GPHN: variants seen among roughly 807,000 people sequenced by gnomAD.
The protein encoded by GPHN is gephyrin.
Under a neutral mutation model 95.5 loss-of-function variants are expected in GPHN, and 17 were observed. That is an observed-to-expected ratio of 0.18 (90% CI 0.12 to 0.27). GPHN has a LOEUF of 0.27. GPHN is among the 10% of genes least tolerant of loss of function. The probability of loss-of-function intolerance (pLI) is 1.00; values close to 1 mark genes in which losing one functional copy is unlikely to be tolerated. For missense variants in GPHN, 660 were observed against 978.1 expected (o/e 0.67, Z 4.34); for synonymous variants, 320 against 322.5 (o/e 0.99, Z 0.08).
rs531224326 is a variant in GPHN, at chr14:66,781,679, C to T, written c.201+5158C>T. Among the ~76,000 whole-genome samples, 3 of 151,994 alleles carry T rather than the reference C, an allele frequency of 2.0e-5. No homozygotes were observed. The South Asian group carries it at 6.2e-4, about 32-fold the overall frequency. ...TTTTGTGTCTTGCTTTTTTATCAAC[C>T]GTTTTTGTAGGATTCATTCATGTTA... On this transcript the variant is annotated intron_variant, in intron 3 of 22. Transcript: ENST00000478722.
the GPHN span, among the ~76,000 whole-genome samples, chr14:67,424,224 G>A: frequency 2.6e-5 from 4 of 151,146 alleles, no homozygotes; most frequent in Admixed American, 6.6e-5. Context: ...TGGGCAACAA[G>A]AGCAAAAAAC....
At chr14:67,052,257 G>T (rs2075340246) in intron 10 of GPHN, among the ~76,000 whole-genome samples, 1 of 151,766 alleles carries the variant, frequency 6.6e-6, no homozygotes, top group Admixed American at 6.6e-5. Context: ...TAAAGAGATG[G>T]AGGAAATTTT....
At chr14:67,460,662 C>T in the GPHN span, among the ~76,000 whole-genome samples, 1 of 152,274 alleles carries the variant, frequency 6.6e-6, no homozygotes, top group East Asian at 1.9e-4. Context: ...CAAGATTGCA[C>T]CACTGCTTTC....
the GPHN span, chr14:67,619,713 A>C: frequency 2.6e-6 from 1 of 383,626 alleles, no homozygotes; most frequent in Non-Finnish European, 4.7e-6. Context: ...CGGCAGGGGC[A>C]TGTCCCTGGC....
chr14:66,760,815 A>C (rs1214370588), intron 2 of GPHN: 29 of 530,862 alleles, frequency 5.5e-5, no homozygotes, highest in Admixed American at 5.1e-4. Flanking sequence ...CAATGAAGAG[A>C]GTTGAAGAGA....
intron 1 of GPHN, among the ~76,000 whole-genome samples, chr14:66,555,548 A>C (rs2059977075): frequency 6.6e-6 from 1 of 152,182 alleles, no homozygotes; most frequent in African/African-American, 2.4e-5. Context: ...AAGAATATGT[A>C]GAAAGATGGA....
At chr14:66,698,893 C>A (rs150126051) in intron 2 of GPHN, among the ~76,000 whole-genome samples, 1 of 152,136 alleles carries the variant, frequency 6.6e-6, no homozygotes, top group African/African-American at 2.4e-5. Flanking sequence ...TGAAAAAAAT[C>A]TGCAGATAAG....
At chr14:67,473,942 C>T in the GPHN span, 1 of 1,583,998 alleles carries the variant, frequency 6.3e-7, no homozygotes, top group Non-Finnish European at 8.6e-7. The surrounding 1 kb of genome is among the most constrained non-coding windows in gnomAD (Gnocchi z 6.5). Context: ...CTGGGGCTGG[C>T]TGCGGGGGGC....
At chr14:67,199,500 TTA>T in the GPHN span, 10 of 1,613,186 alleles carry the variant, frequency 6.2e-6, no homozygotes, top group Non-Finnish European at 7.6e-6. Context: ...TATGCCTTTA[TTA>T]ATTTTGCTTC....
chr14:67,025,177 T>C (rs1221004581), intron 10 of GPHN, among the ~76,000 whole-genome samples: 1 of 152,194 alleles, frequency 6.6e-6, no homozygotes, highest in Non-Finnish European at 1.5e-5. Flanking sequence ...TAGGACTCCT[T>C]TGATAATCTA....
the GPHN span, chr14:67,337,852 G>A: frequency 6.6e-6 from 1 of 152,142 alleles, no homozygotes; most frequent in African/African-American, 2.4e-5. Flanking sequence ...AGCAAATAAG[G>A]AAGTATTATA....
At chr14:66,900,264 T>C (rs1258549403) in intron 5 of GPHN, among the ~76,000 whole-genome samples, 2 of 151,952 alleles carry the variant, frequency 1.3e-5, no homozygotes, top group Non-Finnish European at 2.9e-5. Context: ...TATTATTTCA[T>C]TCCTTCTCCT....
chr14:67,499,656 G>A, the GPHN span, among the ~76,000 whole-genome samples: 3 of 152,146 alleles, frequency 2.0e-5, no homozygotes, highest in Admixed American at 6.6e-5. Context: ...ATGCTATATC[G>A]TGAGGAAGCA....
intron 18 of GPHN, among the ~76,000 whole-genome samples, chr14:67,144,698 A>G (rs907315501): frequency 3.3e-5 from 5 of 152,182 alleles, no homozygotes; most frequent in African/African-American, 1.2e-4. Context: ...TCTTGTAGCT[A>G]TAAAACTGCC....
intron 1 of GPHN, among the ~76,000 whole-genome samples, chr14:66,563,630 GTCTT>G (rs2060351752): frequency 6.6e-6 from 1 of 152,088 alleles, no homozygotes; most frequent in African/African-American, 2.4e-5. Flanking sequence ...CAATTCTAAT[GTCTT>G]TCTTTATTTC....
At chr14:67,164,950 C>T (rs1158899472) in intron 19 of GPHN, among the ~76,000 whole-genome samples, 1 of 150,914 alleles carries the variant, frequency 6.6e-6, no homozygotes, top group Non-Finnish European at 1.5e-5. Context: ...TTTCTTTAAA[C>T]CAGAAAGTGT....
At chr14:67,695,891 G>C in the GPHN span, 2 of 599,186 alleles carry the variant, frequency 3.3e-6, no homozygotes, top group Non-Finnish European at 6.0e-6. Context: ...GCTGGCAGAA[G>C]TTGAATTATA....
chr14:67,159,557 A>G, intron 19 of GPHN, 69 bp downstream of exon 19: 1 of 836,162 alleles, frequency 1.2e-6, no homozygotes, highest in Admixed American at 1.7e-5. Context: ...AAATTTTTAA[A>G]TGCCTTCTTT....
the GPHN span, chr14:67,572,061 G>C: frequency 6.5e-7 from 1 of 1,527,014 alleles, no homozygotes; most frequent in African/African-American, 1.4e-5. Context: ...GGGTGGTCAA[G>C]TCTCAGCAGC....
Sources: allele counts gnomAD v4.1 joint callset (sites outside exome capture counted in the v4.1 genomes callset), GRCh38; gene constraint gnomAD v4.1.1; non-coding constraint Gnocchi (gnomAD v3.1); transcripts MANE v1.5; gene names NCBI Gene and HGNC (gene_info 2026-07-23, HGNC 2026-07-21).